Variants in PDCD1LG2 observed in about 807,000 individuals in gnomAD.
PDCD1LG2 encodes the protein programmed cell death 1 ligand 2.
A neutral mutation model predicts 28.2 loss-of-function variants in PDCD1LG2; 32 were observed. That is an observed-to-expected ratio of 1.13 (90% confidence interval 0.86 to 1.52). PDCD1LG2 has a LOEUF of 1.52. Among genes scored for constraint, PDCD1LG2 ranks in the 40% most tolerant of loss-of-function variants. The pLI, the probability that PDCD1LG2 is intolerant of heterozygous loss-of-function variation, is 0.00. For missense variants in PDCD1LG2, 385 were observed against 323.8 expected (o/e 1.19, Z -1.45); for synonymous variants, 116 against 120.2 (o/e 0.97, Z 0.23).
intron 6 of PDCD1LG2, among the ~76,000 whole-genome samples, chr9:5,568,195 C>T (rs1816703051): frequency 6.6e-6 from 1 of 152,160 alleles, no homozygotes; most frequent in East Asian, 1.9e-4. Context: ...GGCTATTTGT[C>T]CATATCATAT....
In PDCD1LG2 at chr9:5,531,647, T is replaced by C. The variant is rs185982759; in HGVS notation, c.56-3098T>C. Reference sequence around the variant, plus strand: ...GAGTTCTGCTGTAAGCTAAGGGGAGTTCCAGAGGAAGTTATAGGCGTTCCC... The same window carrying C: ...GAGTTCTGCTGTAAGCTAAGGGGAGCTCCAGAGGAAGTTATAGGCGTTCCC... On this transcript the variant is annotated intron_variant, in intron 2 of 6. Transcript: ENST00000397747. Among the ~76,000 whole-genome samples, 3 of 151,446 alleles carry C rather than the reference T, an allele frequency of 2.0e-5. No individual in the cohort carries two copies. The East Asian group carries it at 5.8e-4, about 29-fold the overall frequency.
intron 3 of PDCD1LG2, among the ~76,000 whole-genome samples, chr9:5,549,035 G>A (rs1816268957): frequency 6.6e-6 from 1 of 152,098 alleles, no homozygotes; most frequent in Non-Finnish European, 1.5e-5. Context: ...TCAAATATTG[G>A]TCCTACCAGT....
intron 6 of PDCD1LG2, among the ~76,000 whole-genome samples, chr9:5,568,596 T>C (rs976446288): frequency 2.0e-5 from 3 of 152,202 alleles, no homozygotes; most frequent in African/African-American, 7.2e-5. Flanking sequence ...CTTGTGCTTC[T>C]TGGAACATAT....
At chr9:5,543,312 G>C (rs1820723418) in intron 3 of PDCD1LG2, among the ~76,000 whole-genome samples, 1 of 152,168 alleles carries the variant, frequency 6.6e-6, no homozygotes, top group East Asian at 1.9e-4. Flanking sequence ...GGCCGAGGTG[G>C]GCAGATCACG....
At chr9:5,525,289 G>C (rs1207656705) in intron 2 of PDCD1LG2, among the ~76,000 whole-genome samples, 2 of 150,506 alleles carry the variant, frequency 1.3e-5, no homozygotes, top group African/African-American at 2.4e-5. Context: ...AGGTTGCAGT[G>C]AGCTAAGATC....
intron 1 of PDCD1LG2, among the ~76,000 whole-genome samples, chr9:5,520,116 C>T (rs886823564): frequency 5.3e-5 from 8 of 151,944 alleles, no homozygotes; most frequent in Non-Finnish European, 7.4e-5. Context: ...TAAGGAAGCC[C>T]GAATAGCCCC....
chr9:5,546,139 T>C (rs1816201189), intron 3 of PDCD1LG2, among the ~76,000 whole-genome samples: 1 of 152,156 alleles, frequency 6.6e-6, no homozygotes, highest in Admixed American at 6.6e-5. Context: ...AAGAGCTCTC[T>C]CTCTGTCTCC....
At chr9:5,558,226 T>A (rs1374064573) in intron 5 of PDCD1LG2, among the ~76,000 whole-genome samples, 1 of 152,046 alleles carries the variant, frequency 6.6e-6, no homozygotes, top group African/African-American at 2.4e-5. Flanking sequence ...AGGAGAAAGG[T>A]TTGTGAGGCC....
Position 5,521,974 on chromosome 9 carries a change from C to T in PDCD1LG2, c.-14-559C>T, listed in dbSNP as rs140420992. Among the ~76,000 whole-genome samples the T allele has an allele frequency of 1.5e-3, 223 of 152,294 alleles. 1 individual carries two copies. The East Asian group carries it at 0.03, about 20-fold the overall frequency. On this transcript the variant is annotated intron_variant, in intron 1 of 6. Transcript: ENST00000397747. The stretch of plus-strand genomic sequence containing the variant: ...CATCAGAGCCAGTTCCCTACTCTCC[C>T]TGTCTAAACCTCTTAGTAAGAGGTA...
At chr9:5,564,620 C>T (rs1816627807) in intron 6 of PDCD1LG2, among the ~76,000 whole-genome samples, 2 of 152,208 alleles carry the variant, frequency 1.3e-5, no homozygotes, top group Admixed American at 6.5e-5. Context: ...CTAATCCCCC[C>T]AAACACTGTT....
At chr9:5,555,218 T>G (rs926155340) in intron 4 of PDCD1LG2, among the ~76,000 whole-genome samples, 5 of 152,002 alleles carry the variant, frequency 3.3e-5, no homozygotes, top group African/African-American at 1.2e-4. Context: ...AGTTCAAAAA[T>G]CAGCCTGGCT....
Position 5,570,911 on chromosome 9 carries a change from T to C in PDCD1LG2, c.*952T>C, listed in dbSNP as rs760583501. 9 of 232,706 alleles carry C rather than the reference T, an allele frequency of 3.9e-5. No individual in the cohort carries two copies. Among genetic ancestry groups the C allele is most frequent in the African/African-American group, 1.3e-4 (6 of 45,322 alleles). 14.4% of individuals were successfully genotyped at this position (232,706 alleles called of 1,614,324 possible). ...GCTAAGTAGTCAAGGCCTTTGATAA[T>C]TGGCACTATGGAAATCCTGCAAGAT... On this transcript the variant is annotated 3_prime_UTR_variant, in exon 7 of 7. Transcript: ENST00000397747.
In PDCD1LG2 at chr9:5,561,281, T is replaced by G. The variant is rs535676671; in HGVS notation, c.767-1881T>G. 1.2e-3 allele frequency among the ~76,000 whole-genome samples: 189 copies of G among 152,320 alleles called. 2 individuals carry two copies. The highest frequency in any genetic ancestry group is 1.6e-3 in the Admixed American group (24 of 15,308). ...TATTGGACAGTACAGATATACAACATTTCCATCATTGCAGAAAGTTCTACT... is the reference window on the plus strand; with the variant it reads ...TATTGGACAGTACAGATATACAACAGTTCCATCATTGCAGAAAGTTCTACT... On this transcript the variant is annotated intron_variant, in intron 5 of 6. Transcript: ENST00000397747.
intron 4 of PDCD1LG2, among the ~76,000 whole-genome samples, chr9:5,555,553 C>T (rs1023802696): frequency 8.5e-5 from 13 of 152,312 alleles, no homozygotes; most frequent in South Asian, 6.2e-4. Flanking sequence ...CAGTGAGAAG[C>T]GAGACAGAAG....
intron 1 of PDCD1LG2, among the ~76,000 whole-genome samples, chr9:5,521,297 G>A (rs907300267): frequency 6.6e-6 from 1 of 152,140 alleles, no homozygotes; most frequent in African/African-American, 2.4e-5. Flanking sequence ...TTGGATAATA[G>A]TGTTTGTTGC....
At chr9:5,523,990 G>A (rs570004555) in intron 2 of PDCD1LG2, among the ~76,000 whole-genome samples, 1 of 152,306 alleles carries the variant, frequency 6.6e-6, no homozygotes, top group Non-Finnish European at 1.5e-5. Context: ...AAGATAATCA[G>A]CACAAGACAA....
chr9:5,543,946 G>T (rs1162947017), intron 3 of PDCD1LG2, among the ~76,000 whole-genome samples: 1 of 152,160 alleles, frequency 6.6e-6, no homozygotes, highest in African/African-American at 2.4e-5. Context: ...TTTAACAGAT[G>T]AATTGAAAGC....
chr9:5,543,725 C>G (rs1272532518), intron 3 of PDCD1LG2, among the ~76,000 whole-genome samples: 1 of 152,046 alleles, frequency 6.6e-6, no homozygotes, highest in East Asian at 1.9e-4. Context: ...CTTGGGGAAA[C>G]AGAAGGGTGT....
At chr9:5,542,367 A>T (rs1043325274) in intron 3 of PDCD1LG2, among the ~76,000 whole-genome samples, 1 of 152,068 alleles carries the variant, frequency 6.6e-6, no homozygotes, top group African/African-American at 2.4e-5. Flanking sequence ...GCTTCTGCAC[A>T]GCAAAAGAAA....
Sources: allele counts gnomAD v4.1 joint callset (sites outside exome capture counted in the v4.1 genomes callset), GRCh38; gene constraint gnomAD v4.1.1; transcripts MANE v1.5; gene names NCBI Gene and HGNC (gene_info 2026-07-23, HGNC 2026-07-21).